GALNTL6: variants seen among roughly 807,000 people sequenced by gnomAD.
GALNTL6 encodes the protein polypeptide N-acetylgalactosaminyltransferase-like 6.
In GALNTL6, 46 loss-of-function variants were observed where a neutral mutation model predicts 73.7. The ratio of observed to expected loss-of-function variants is 0.62; its 90% CI spans 0.49 to 0.80. GALNTL6 has a LOEUF of 0.80. GALNTL6 is among the 30% of genes least tolerant of loss of function. The pLI, the probability that GALNTL6 is intolerant of heterozygous loss-of-function variation, is 0.00. For synonymous variants in GALNTL6, 259 were observed against 263.7 expected, an observed-to-expected ratio of 0.98 and a Z score of 0.17; for missense variants, 604 against 755.0, an observed-to-expected ratio of 0.80 and a Z score of 2.34.
intron 5 of GALNTL6, among the ~76,000 whole-genome samples, chr4:172,352,563 C>A (rs1240886266): frequency 6.6e-6 from 1 of 152,144 alleles, no homozygotes; most frequent in African/African-American, 2.4e-5. Flanking sequence ...ACCTTAACGG[C>A]ATCCACATGG....
Position 173,004,715 on chromosome 4 carries a change from T to A in GALNTL6, c.1372-4463T>A, listed in dbSNP as rs186283434. Reference sequence around the variant, plus strand: ...TTAATTTTTTTGCCACGTTAAAAATTCACAGCCAGAAATATTGGAAGTCTC... The same window carrying A: ...TTAATTTTTTTGCCACGTTAAAAATACACAGCCAGAAATATTGGAAGTCTC... On this transcript the variant is annotated intron_variant, in intron 10 of 12. Coordinates refer to ENST00000506823, the MANE Select transcript of GALNTL6 (RefSeq NM_001034845.3). Among the ~76,000 whole-genome samples the A allele has an allele frequency of 4.1e-4, 62 of 152,314 alleles. 1 individual carries two copies. Among genetic ancestry groups the A allele is most frequent in the African/African-American group, 1.2e-3 (51 of 41,572 alleles).
intron 5 of GALNTL6, among the ~76,000 whole-genome samples, chr4:172,412,125 C>T (rs921974409): frequency 2.6e-5 from 4 of 152,100 alleles, no homozygotes; most frequent in African/African-American, 9.7e-5. Flanking sequence ...TCACTGCAGC[C>T]TCAACCTCCC....
chr4:172,614,990 C>G (rs943417913), intron 5 of GALNTL6, among the ~76,000 whole-genome samples: 2 of 152,088 alleles, frequency 1.3e-5, no homozygotes, highest in Non-Finnish European at 2.9e-5. Context: ...GAAGTTCATT[C>G]CTTAGGCATG....
At chr4:172,634,920 G>C (rs1739594730) in intron 5 of GALNTL6, among the ~76,000 whole-genome samples, 1 of 152,142 alleles carries the variant, frequency 6.6e-6, no homozygotes, top group South Asian at 2.1e-4. Context: ...AGCATCAGCT[G>C]TATTATATTC....
intron 5 of GALNTL6, among the ~76,000 whole-genome samples, chr4:172,663,940 A>AAAAAAAAG (rs1553969283): frequency 6.1e-5 from 9 of 147,168 alleles, no homozygotes; most frequent in Non-Finnish European, 3.0e-5. Flanking sequence ...AAAAAAAAAA[A>AAAAAAAAG]AAAGAAAGAA....
At chr4:171,938,388 G>A (rs982070841) in intron 2 of GALNTL6, among the ~76,000 whole-genome samples, 31 of 152,114 alleles carry the variant, frequency 2.0e-4, no homozygotes, top group African/African-American at 7.2e-4. Flanking sequence ...TATAGACCCT[G>A]CCATTTCTTT....
chr4:171,854,179 C>T (rs992228210), intron 2 of GALNTL6, among the ~76,000 whole-genome samples: 4 of 152,128 alleles, frequency 2.6e-5, no homozygotes, highest in African/African-American at 9.7e-5. Flanking sequence ...CACAGGGAAG[C>T]GGGCAGTGTT....
chr4:171,900,140 C>T (rs1737037671), intron 2 of GALNTL6, among the ~76,000 whole-genome samples: 1 of 152,050 alleles, frequency 6.6e-6, no homozygotes, highest in Admixed American at 6.6e-5. Flanking sequence ...TATATCATGT[C>T]ATATTTACTA....
intron 10 of GALNTL6, among the ~76,000 whole-genome samples, chr4:172,993,936 C>CA (rs1027831493): frequency 1.7e-4 from 26 of 151,886 alleles, no homozygotes; most frequent in East Asian, 1.9e-4. Flanking sequence ...AACAAACAAA[C>CA]AAAAAAAATA....
At position 172,725,479 on chromosome 4, in the gene GALNTL6, T is replaced by C. The variant is rs537199545; in HGVS notation, c.554-83882T>C. 6.6e-5 allele frequency among the ~76,000 whole-genome samples: 10 copies of C among 152,314 alleles called. No homozygotes were observed. In the East Asian group the frequency reaches 9.6e-4, roughly 15 times the overall value. ...ATAAGGATCTTCTTCTCAACAGATA[T>C]AAGGGGTTGTAATATAACTGGAGAG... On this transcript the variant is annotated intron_variant, in intron 5 of 12. Coordinates refer to ENST00000506823, the MANE Select transcript of GALNTL6 (RefSeq NM_001034845.3).
intron 2 of GALNTL6, among the ~76,000 whole-genome samples, chr4:171,915,398 G>T (rs1737588626): frequency 6.6e-6 from 1 of 152,130 alleles, no homozygotes; most frequent in South Asian, 2.1e-4. Context: ...CGTAGGGGCT[G>T]AATGCAACCT....
chr4:172,374,690 T>A (rs1742961071), intron 5 of GALNTL6, among the ~76,000 whole-genome samples: 1 of 152,244 alleles, frequency 6.6e-6, no homozygotes, highest in African/African-American at 2.4e-5. Flanking sequence ...GATGGCTTGT[T>A]GACCAGTAGA....
At chr4:172,837,445 G>GTGAACA (rs1180808770) in intron 7 of GALNTL6, among the ~76,000 whole-genome samples, 2 of 151,964 alleles carry the variant, frequency 1.3e-5, no homozygotes, top group Non-Finnish European at 2.9e-5. Context: ...AAATATGAAA[G>GTGAACA]AAGGTAAAAA....
Position 172,704,801 on chromosome 4 carries a change from C to A in GALNTL6, c.554-104560C>A, listed in dbSNP as rs149556676. ...AAAAATGGGATGTGGAAGTCTTGTA[C>A]CATTATTGTATTGCAGTCTATCCTT... On this transcript the variant is annotated intron_variant, in intron 5 of 12. Transcript: ENST00000506823. 8.4e-4 allele frequency among the ~76,000 whole-genome samples: 128 copies of A among 151,962 alleles called. 1 individual carries two copies. Among genetic ancestry groups the A allele is most frequent in the African/African-American group, 3.0e-3 (123 of 41,510 alleles).
chr4:172,654,417 T>C (rs1730870892), intron 5 of GALNTL6, among the ~76,000 whole-genome samples: 1 of 152,224 alleles, frequency 6.6e-6, no homozygotes, highest in Admixed American at 6.5e-5. Context: ...ACTAATCCTT[T>C]CCAAGGGCCC....
At chr4:172,225,038 T>TA (rs1392101505) in intron 2 of GALNTL6, among the ~76,000 whole-genome samples, 1 of 152,102 alleles carries the variant, frequency 6.6e-6, no homozygotes, top group Non-Finnish European at 1.5e-5. Context: ...GAATAGTGCT[T>TA]ACAAGTAAAT....
intron 5 of GALNTL6, among the ~76,000 whole-genome samples, chr4:172,727,849 T>C (rs1360085915): frequency 1.1e-4 from 16 of 151,804 alleles, no homozygotes; most frequent in Admixed American, 3.9e-4. Context: ...TATTTTAATA[T>C]TAAAAATATT....
At chr4:171,866,258 A>T (rs887908234) in intron 2 of GALNTL6, among the ~76,000 whole-genome samples, 3 of 152,186 alleles carry the variant, frequency 2.0e-5, no homozygotes, top group African/African-American at 4.8e-5. Context: ...GATATAATTC[A>T]ACATCAATTA....
At chr4:172,102,468 T>C (rs1362798118) in intron 2 of GALNTL6, among the ~76,000 whole-genome samples, 2 of 152,194 alleles carry the variant, frequency 1.3e-5, no homozygotes, top group African/African-American at 4.8e-5. Context: ...ATTCTAGCCA[T>C]AACATTTTGT....
Sources: gnomAD v4.1 joint callset for allele counts (sites outside exome capture counted in the v4.1 genomes callset) on GRCh38, gnomAD v4.1.1 for gene constraint, MANE v1.5 for transcripts, NCBI Gene and HGNC (gene_info 2026-07-23, HGNC 2026-07-21) for gene names.